The following PPP1R9A variants were observed in gnomAD, a reference collection of about 807,000 sequenced individuals.
The protein encoded by PPP1R9A is protein phosphatase 1 regulatory subunit 9A, also known as neurabin-1.
A neutral mutation model predicts 141.9 loss-of-function variants in PPP1R9A; 59 were observed. The observed-to-expected ratio is 0.42, with a 90% confidence interval of 0.34 to 0.52. PPP1R9A has a LOEUF of 0.52. Ranked by LOEUF, PPP1R9A falls within the 20% of genes least tolerant of loss-of-function variation. The pLI, the probability that PPP1R9A is intolerant of heterozygous loss-of-function variation, is 0.10. For synonymous variants in PPP1R9A, 500 were observed against 569.7 expected (o/e 0.88, Z 1.74); for missense variants, 1,444 against 1,611.9 (o/e 0.90, Z 1.78).
At chr7:95,094,923 T>G (rs933509445) in intron 2 of PPP1R9A, among the ~76,000 whole-genome samples, 1 of 144,904 alleles carries the variant, frequency 6.9e-6, no homozygotes, top group Non-Finnish European at 1.5e-5. Context: ...AAGGCGATTT[T>G]TACTGATTTC....
At chr7:95,069,012 CT>C (rs1813380316) in intron 2 of PPP1R9A, among the ~76,000 whole-genome samples, 1 of 152,150 alleles carries the variant, frequency 6.6e-6, no homozygotes, top group Non-Finnish European at 1.5e-5. Context: ...CACACACGTC[CT>C]CCTGTCTACT....
chr7:95,094,727 A>G (rs930653370), intron 2 of PPP1R9A, among the ~76,000 whole-genome samples: 1 of 151,764 alleles, frequency 6.6e-6, no homozygotes, highest in African/African-American at 2.4e-5. Flanking sequence ...TAAAAATACA[A>G]AAATTAGCCG....
intron 5 of PPP1R9A, among the ~76,000 whole-genome samples, chr7:95,180,373 C>G (rs1300904426): frequency 6.6e-6 from 1 of 152,040 alleles, no homozygotes; most frequent in East Asian, 1.9e-4. Flanking sequence ...ATATAAAAAT[C>G]AACTCAAGAT....
At chr7:95,012,811 G>GCCC (rs1804612368) in intron 2 of PPP1R9A, among the ~76,000 whole-genome samples, 1 of 152,156 alleles carries the variant, frequency 6.6e-6, no homozygotes, top group African/African-American at 2.4e-5. Flanking sequence ...ACATTAATAT[G>GCCC]TAATGATGTG....
chr7:94,946,646 A>T (rs1013388523), intron 2 of PPP1R9A, among the ~76,000 whole-genome samples: 1 of 152,150 alleles, frequency 6.6e-6, no homozygotes, highest in Non-Finnish European at 1.5e-5. Context: ...GCCTGTGTAT[A>T]TTGACTGTCA....
chr7:94,997,575 G>A (rs1405036781), intron 2 of PPP1R9A, among the ~76,000 whole-genome samples: 1 of 152,148 alleles, frequency 6.6e-6, no homozygotes, highest in Non-Finnish European at 1.5e-5. Context: ...CTCTATTCAT[G>A]TCTGTCAGAA....
intron 5 of PPP1R9A, among the ~76,000 whole-genome samples, chr7:95,180,015 G>A (rs764879881): frequency 1.8e-4 from 27 of 151,944 alleles, no homozygotes; most frequent in Non-Finnish European, 2.9e-5. Flanking sequence ...CACAGAATTA[G>A]GAAAAAACAA....
intron 2 of PPP1R9A, among the ~76,000 whole-genome samples, chr7:95,108,302 C>CGTTTCTTTTTT (rs1204011323): frequency 1.0e-4 from 7 of 68,750 alleles, no homozygotes; most frequent in African/African-American, 2.1e-4. Flanking sequence ...TTTTTCGTTT[C>CGTTTCTTTTTT]TTTTCTTTTT....
chr7:95,214,778 G>A (rs1346134857), intron 7 of PPP1R9A, among the ~76,000 whole-genome samples: 1 of 152,036 alleles, frequency 6.6e-6, no homozygotes, highest in Non-Finnish European at 1.5e-5. Flanking sequence ...ATATTTTATT[G>A]GCAAATAATG....
At chr7:95,130,497 G>A (rs188225566) in intron 4 of PPP1R9A, among the ~76,000 whole-genome samples, 4 of 152,262 alleles carry the variant, frequency 2.6e-5, no homozygotes, top group African/African-American at 9.6e-5. Context: ...GGAAATGTGG[G>A]GTCAGAGCCC....
intron 9 of PPP1R9A, among the ~76,000 whole-genome samples, chr7:95,248,651 A>C (rs1221327848): frequency 2.0e-5 from 3 of 152,230 alleles, no homozygotes; most frequent in South Asian, 2.1e-4. Context: ...TTTCCCTGTG[A>C]TTGTGTTTTA....
Position 95,174,564 on chromosome 7 carries a change from GTTAAC to G in PPP1R9A, c.1754+12598_1754+12602del, listed in dbSNP as rs1236541875. ...TTTAAAATGTGAGATAATAGCTATC[GTTAAC>G]TTAAAAAGCACCATACGAATTGATT... On this transcript the variant is annotated intron_variant, in intron 5 of 19. Coordinates refer to ENST00000433360, the MANE Select transcript of PPP1R9A (RefSeq NM_001166160.2). Among the ~76,000 whole-genome samples the G allele has an allele frequency of 9.2e-5, 14 of 152,138 alleles. No individual in the cohort carries two copies. The East Asian group carries it at 2.7e-3, about 29-fold the overall frequency.
At chr7:95,171,827 T>C (rs1832157852) in intron 5 of PPP1R9A, among the ~76,000 whole-genome samples, 1 of 151,650 alleles carries the variant, frequency 6.6e-6, no homozygotes, top group African/African-American at 2.4e-5. Flanking sequence ...AAGCCAATGT[T>C]GCTATGATAG....
chr7:95,044,871 C>T (rs1584420287), intron 2 of PPP1R9A, among the ~76,000 whole-genome samples: 2 of 151,824 alleles, frequency 1.3e-5, no homozygotes, highest in South Asian at 4.2e-4. Context: ...CTGTGCCTGA[C>T]CTCAGTCTTT....
At chr7:95,139,327 G>A (rs774665552) in intron 4 of PPP1R9A, among the ~76,000 whole-genome samples, 2 of 152,116 alleles carry the variant, frequency 1.3e-5, no homozygotes, top group African/African-American at 2.4e-5. Flanking sequence ...TCACTATCAC[G>A]AGAACAGTAT....
intron 2 of PPP1R9A, among the ~76,000 whole-genome samples, chr7:94,969,638 A>C (rs1394872204): frequency 1.3e-5 from 2 of 152,092 alleles, no homozygotes; most frequent in African/African-American, 4.8e-5. Flanking sequence ...AACGCACTTG[A>C]GGAGGCAATC....
rs566859715 is a variant in PPP1R9A, at chr7:95,031,946, C to T, written c.1396-79313C>T. ...CTAGTAAATGCCTGAGGCAAAACCT[C>T]GGATTTCTGTTTCCTATTATTTCTA... On this transcript the variant is annotated intron_variant, in intron 2 of 19. Coordinates refer to ENST00000433360, the MANE Select transcript of PPP1R9A (RefSeq NM_001166160.2). 1.5e-4 allele frequency among the ~76,000 whole-genome samples: 23 copies of T among 152,274 alleles called. No individual in the cohort carries two copies. In the South Asian group the frequency reaches 3.7e-3, roughly 25 times the overall value.
intron 4 of PPP1R9A, among the ~76,000 whole-genome samples, chr7:95,128,717 C>T (rs958196913): frequency 8.5e-5 from 13 of 152,154 alleles, no homozygotes; most frequent in African/African-American, 2.2e-4. Context: ...GCTGGAATTA[C>T]AGGCACGTGC....
intron 2 of PPP1R9A, among the ~76,000 whole-genome samples, chr7:94,950,935 A>G (rs1796399974): frequency 6.6e-6 from 1 of 151,986 alleles, no homozygotes; most frequent in African/African-American, 2.4e-5. Flanking sequence ...TTTGGTAGAG[A>G]TGAGGTTTCG....
Sources: allele counts gnomAD v4.1 joint callset (sites outside exome capture counted in the v4.1 genomes callset), GRCh38; gene constraint gnomAD v4.1.1; transcripts MANE v1.5; gene names NCBI Gene and HGNC (gene_info 2026-07-23, HGNC 2026-07-21).